The following EVA1A variants were observed in gnomAD, a reference collection of about 807,000 sequenced individuals.
EVA1A encodes protein eva-1 homolog A.
A neutral mutation model predicts 9.8 loss-of-function variants in EVA1A; 7 were observed. The ratio of observed to expected loss-of-function variants is 0.71; its 90% CI spans 0.41 to 1.34. The LOEUF is 1.34. Ranked by LOEUF, EVA1A falls within the 40% of genes most tolerant of loss-of-function variation. The pLI is 0.01. For missense variants in EVA1A, 206 were observed against 205.9 expected (o/e 1.00, Z 0.00); for synonymous variants, 90 against 85.6 (o/e 1.05, Z -0.28).
At chr2:75,557,131 G>A (rs114379809) in intron 1 of EVA1A, among the ~76,000 whole-genome samples, 117 of 152,322 alleles carry the variant, frequency 7.7e-4, no homozygotes, top group African/African-American at 2.5e-3. Context: ...GCAAACTCAG[G>A]GGGATTACAG....
At chr2:75,545,736 C>T (rs1237665397) in intron 1 of EVA1A, among the ~76,000 whole-genome samples, 1 of 152,168 alleles carries the variant, frequency 6.6e-6, no homozygotes, top group African/African-American at 2.4e-5. Flanking sequence ...CCTATTAATA[C>T]AGGCATTTGA....
chr2:75,539,744 T>G (rs1470052144), intron 1 of EVA1A, among the ~76,000 whole-genome samples: 1 of 152,154 alleles, frequency 6.6e-6, no homozygotes, highest in Non-Finnish European at 1.5e-5. Flanking sequence ...ATTAAAAAAT[T>G]TTTAAAAATG....
At chr2:75,551,405 T>G (rs1380375919) in intron 1 of EVA1A, among the ~76,000 whole-genome samples, 1 of 152,204 alleles carries the variant, frequency 6.6e-6, no homozygotes, top group Non-Finnish European at 1.5e-5. Flanking sequence ...ATTTCAGATC[T>G]CTCATTCTTC....
intron 1 of EVA1A, among the ~76,000 whole-genome samples, chr2:75,556,971 A>G (rs1377280587): frequency 1.3e-5 from 2 of 152,186 alleles, no homozygotes; most frequent in Non-Finnish European, 2.9e-5. Context: ...TTGGATGTCA[A>G]TGGATAGGAG....
chr2:75,555,589 C>T (rs1384208704), intron 1 of EVA1A, among the ~76,000 whole-genome samples: 1 of 152,084 alleles, frequency 6.6e-6, no homozygotes. Flanking sequence ...CTCCCTGACC[C>T]GTGGGCTCTG....
chr2:75,492,732 A>C lies in EVA1A; in HGVS notation c.*504T>G, dbSNP rs140491973. 0.012 allele frequency: 1,784 copies of C among 153,332 alleles called. 59 individuals carry two copies. The highest frequency in any genetic ancestry group is 0.066 in the Admixed American group (1,008 of 15,346). The allele number at this position is 153,332 out of a possible 1,614,324, so 9.5% of individuals were successfully genotyped here. A position where few individuals can be genotyped will look rare whatever the true frequency, so the allele number is the denominator to read the frequency against. ...TTAAAATGGACGAGGTTGCCCTTGC[A>C]ACACAAGATTTTAAAAATCAGCCTT... On this transcript the variant is annotated 3_prime_UTR_variant, in exon 4 of 4. Transcript: ENST00000393913.
chr2:75,505,526 G>A (rs543584877), intron 3 of EVA1A, among the ~76,000 whole-genome samples: 22 of 152,280 alleles, frequency 1.4e-4, no homozygotes, highest in South Asian at 2.1e-4. Flanking sequence ...GTGGGTATGC[G>A]TATAAATATG....
chr2:75,528,613 C>T (rs1675537091), intron 1 of EVA1A, among the ~76,000 whole-genome samples: 1 of 152,174 alleles, frequency 6.6e-6, no homozygotes, highest in Non-Finnish European at 1.5e-5. Flanking sequence ...GTGGTCTCTG[C>T]AGGCACCACC....
chr2:75,495,103 C>CTGAG (rs1674162600), intron 3 of EVA1A, among the ~76,000 whole-genome samples: 1 of 152,172 alleles, frequency 6.6e-6, no homozygotes, highest in Non-Finnish European at 1.5e-5. Flanking sequence ...CCAATTTCCC[C>CTGAG]TGAGTCCCCA....
chr2:75,546,989 G>T (rs980458393), intron 1 of EVA1A, among the ~76,000 whole-genome samples: 20 of 150,628 alleles, frequency 1.3e-4, no homozygotes. Flanking sequence ...AGAGCCTTCA[G>T]AGAGGGCATG....
intron 3 of EVA1A, among the ~76,000 whole-genome samples, chr2:75,498,853 T>G (rs1324165097): frequency 6.6e-6 from 1 of 151,912 alleles, no homozygotes; most frequent in African/African-American, 2.4e-5. Context: ...TGCTTACAAA[T>G]AGCATATTCC....
At chr2:75,557,898 C>G (rs143319951) in intron 1 of EVA1A, among the ~76,000 whole-genome samples, 1 of 152,256 alleles carries the variant, frequency 6.6e-6, no homozygotes, top group Non-Finnish European at 1.5e-5. Flanking sequence ...GACTTAGGCT[C>G]TCATTAATGC....
At chr2:75,562,721 G>A (rs1339357074), upstream of EVA1A, among the ~76,000 whole-genome samples, 1 of 152,222 alleles carries the variant, frequency 6.6e-6, no homozygotes, top group Non-Finnish European at 1.5e-5. Context: ...TAACTCTCCA[G>A]CTTTCCAGCA....
At chr2:75,546,970 T>G (rs1289269081) in intron 1 of EVA1A, among the ~76,000 whole-genome samples, 1 of 147,584 alleles carries the variant, frequency 6.8e-6, no homozygotes, top group African/African-American at 2.5e-5. Flanking sequence ...CTGGGACAGA[T>G]CTTTCCCTAG....
intron 1 of EVA1A, among the ~76,000 whole-genome samples, chr2:75,554,298 C>T (rs1417232232): frequency 6.6e-6 from 1 of 152,118 alleles, no homozygotes; most frequent in Non-Finnish European, 1.5e-5. Context: ...AGCAGCATTT[C>T]CCTCTCCTCT....
chr2:75,505,924 A>C (rs912896984), intron 3 of EVA1A, among the ~76,000 whole-genome samples: 2 of 102,498 alleles, frequency 2.0e-5, no homozygotes, highest in Non-Finnish European at 4.2e-5. Flanking sequence ...TTTCTCTATC[A>C]TATAAACATG....
intron 3 of EVA1A, among the ~76,000 whole-genome samples, chr2:75,495,643 T>A (rs1472483546): frequency 6.6e-6 from 1 of 152,208 alleles, no homozygotes; most frequent in African/African-American, 2.4e-5. Context: ...CAAATTAATT[T>A]CTCTGACTAT....
intron 3 of EVA1A, among the ~76,000 whole-genome samples, chr2:75,506,583 G>A (rs1431004042): frequency 1.3e-5 from 2 of 152,202 alleles, no homozygotes; most frequent in African/African-American, 2.4e-5. Flanking sequence ...TCTGCTGCAT[G>A]CTTCTGAAAC....
At chr2:75,497,578 G>C (rs1452727055) in intron 3 of EVA1A, among the ~76,000 whole-genome samples, 3 of 152,012 alleles carry the variant, frequency 2.0e-5, no homozygotes, top group Admixed American at 6.6e-5. Context: ...GGCTGGGCAT[G>C]GTAGCTCACA....
Sources: gnomAD v4.1 joint callset for allele counts (sites outside exome capture counted in the v4.1 genomes callset) on GRCh38, gnomAD v4.1.1 for gene constraint, MANE v1.5 for transcripts, NCBI Gene and HGNC (gene_info 2026-07-23, HGNC 2026-07-21) for gene names.